The following CTNND2 variants were observed in gnomAD, a reference collection of about 807,000 sequenced individuals.
The protein encoded by CTNND2 is catenin delta 2.
A neutral mutation model predicts 144.4 loss-of-function variants in CTNND2; 22 were observed. The ratio of observed to expected loss-of-function variants is 0.15; its 90% CI spans 0.11 to 0.22. The LOEUF (loss-of-function observed/expected upper bound fraction) is 0.22. Ranked by LOEUF, CTNND2 falls within the 10% of genes least tolerant of loss-of-function variation. The pLI is 1.00. For missense variants in CTNND2, 1,353 were observed against 1,618.8 expected, an observed-to-expected ratio of 0.84 and a Z score of 2.82; for synonymous variants, 751 against 695.6, an observed-to-expected ratio of 1.08 and a Z score of -1.25.
At chr5:11,009,091 A>C (rs1162806166) in intron 18 of CTNND2, among the ~76,000 whole-genome samples, 1 of 152,198 alleles carries the variant, frequency 6.6e-6, no homozygotes, top group Non-Finnish European at 1.5e-5. Flanking sequence ...GGGGCACAAA[A>C]TTTGTATCTT....
chr5:11,635,284 A>G (rs2126482449), intron 2 of CTNND2, among the ~76,000 whole-genome samples: 1 of 152,276 alleles, frequency 6.6e-6, no homozygotes, highest in South Asian at 2.1e-4. Context: ...TAGAAAGAAG[A>G]AGGCATCACC....
intron 9 of CTNND2, among the ~76,000 whole-genome samples, chr5:11,276,957 G>C (rs1440197217): frequency 6.6e-6 from 1 of 152,294 alleles, no homozygotes; most frequent in East Asian, 1.9e-4. Context: ...CTCGATTTTA[G>C]ACCTCTGGCC....
At chr5:11,689,416 A>G (rs1784797924) in intron 2 of CTNND2, among the ~76,000 whole-genome samples, 1 of 152,226 alleles carries the variant, frequency 6.6e-6, no homozygotes, top group South Asian at 2.1e-4. Flanking sequence ...TTGCCCTCAA[A>G]TTAAATAATA....
At chr5:11,222,262 T>C (rs1306000545) in intron 10 of CTNND2, among the ~76,000 whole-genome samples, 1 of 152,156 alleles carries the variant, frequency 6.6e-6, no homozygotes, top group African/African-American at 2.4e-5. Context: ...AAGTGATATT[T>C]AGCAAACCCA....
intron 1 of CTNND2, among the ~76,000 whole-genome samples, chr5:11,800,686 A>G (rs1791632002): frequency 1.3e-5 from 2 of 152,202 alleles, no homozygotes; most frequent in Admixed American, 6.5e-5. Context: ...ATTGATAAAC[A>G]TAAAGTCAAT....
chr5:11,839,059 T>C (rs1458475), intron 1 of CTNND2, among the ~76,000 whole-genome samples: 8,658 of 152,178 alleles, frequency 0.057, 765 homozygotes, highest in African/African-American at 0.19. Context: ...GAGGAGGAAT[T>C]TGTCATCTGC....
intron 3 of CTNND2, among the ~76,000 whole-genome samples, chr5:11,430,404 A>G (rs1425492950): frequency 2.1e-5 from 3 of 144,642 alleles, no homozygotes; most frequent in East Asian, 2.0e-4. Flanking sequence ...ATAATGATGT[A>G]GGTGAGGATG....
intron 16 of CTNND2, among the ~76,000 whole-genome samples, chr5:11,047,035 G>C (rs965561351): frequency 3.3e-5 from 5 of 152,202 alleles, no homozygotes; most frequent in African/African-American, 1.2e-4. Context: ...TTAAAATTCT[G>C]TCATCAGTGA....
intron 1 of CTNND2, among the ~76,000 whole-genome samples, chr5:11,756,564 A>C (rs542252773): frequency 2.6e-5 from 4 of 151,688 alleles, no homozygotes; most frequent in African/African-American, 9.6e-5. Flanking sequence ...GTTTTCCCCT[A>C]TCCATTTACA....
intron 12 of CTNND2, among the ~76,000 whole-genome samples, chr5:11,152,009 C>G (rs1275133980): frequency 6.6e-6 from 1 of 152,106 alleles, no homozygotes; most frequent in Non-Finnish European, 1.5e-5. Flanking sequence ...AAATTCCTAA[C>G]AGATACAAAG....
At chr5:10,992,708 G>A (rs1167067393) in intron 18 of CTNND2, 31 bp from the exon 19 acceptor site, 2 of 1,602,800 alleles carry the variant, frequency 1.2e-6, no homozygotes, top group African/African-American at 2.7e-5. Flanking sequence ...CTGTTAGATG[G>A]GCAAGACAGA....
chr5:11,872,199 C>T (rs1735192932), intron 1 of CTNND2, among the ~76,000 whole-genome samples: 1 of 152,132 alleles, frequency 6.6e-6, no homozygotes, highest in Non-Finnish European at 1.5e-5. Context: ...CGTGTCCCTG[C>T]AAAGGACATG....
At chr5:11,876,228 G>A (rs1252425489) in intron 1 of CTNND2, among the ~76,000 whole-genome samples, 2 of 148,188 alleles carry the variant, frequency 1.3e-5, no homozygotes, top group East Asian at 1.9e-4. Flanking sequence ...GGGAGGAGGC[G>A]GGAGGCAGCA....
Position 11,564,968 on chromosome 5 carries a change from T to A in CTNND2, c.263A>T (p.Glu88Val). The A allele has an allele frequency of 1.2e-6, 2 of 1,613,934 alleles. No homozygotes were observed. The change falls in exon 3 of 22, where the codon GAG becomes GTG. Residue 88 changes from glutamate (E) to valine (V), a missense_variant. Around this residue, in one of 4 missense-constraint regions of CTNND2, gnomAD observed 708 missense variants for 706.4 expected, o/e 1.00. Coordinates refer to ENST00000304623, the MANE Select transcript of CTNND2 (RefSeq NM_001332.4). ...CCTCATGCTGCTCATGCTGCCAGTC[T>A]CGGATCCGAGCTTGCATCGCTCCAG... ...SQLERCKLGS[E>V]TGSMSSMSSA...
At chr5:11,741,970 T>C (rs1489289716) in intron 1 of CTNND2, among the ~76,000 whole-genome samples, 4 of 151,702 alleles carry the variant, frequency 2.6e-5, no homozygotes, top group African/African-American at 7.3e-5. Flanking sequence ...AAACATCATA[T>C]GTTCTCACTC....
At chr5:11,228,353 CAAAAAAAAAAAAA>C (rs564048343) in intron 10 of CTNND2, among the ~76,000 whole-genome samples, 8 of 26,734 alleles carry the variant, frequency 3.0e-4, no homozygotes, top group Admixed American at 5.4e-4. Flanking sequence ...CTCTCTCTCT[CAAAAAAAAAAAAA>C]AAAAAAAAAA....
chr5:11,572,417 T>C (rs1270145099), intron 2 of CTNND2, among the ~76,000 whole-genome samples: 6 of 152,168 alleles, frequency 3.9e-5, no homozygotes, highest in Non-Finnish European at 8.8e-5. Context: ...CCTGGGTCAA[T>C]AATACAGAGA....
chr5:11,484,593 T>C lies in CTNND2; in HGVS notation c.288-72524A>G, dbSNP rs1385564377. Among the ~76,000 whole-genome samples, 3 of 152,304 alleles carry C rather than the reference T, an allele frequency of 2.0e-5. No homozygotes were observed. The East Asian group carries it at 5.8e-4, about 29-fold the overall frequency. ...GGAAGCAGTCCATGCATCCCAAATATGCCCCCCATATATACCCAAGACAAC... is the reference window on the plus strand; with the variant it reads ...GGAAGCAGTCCATGCATCCCAAATACGCCCCCCATATATACCCAAGACAAC... On this transcript the variant is annotated intron_variant, in intron 3 of 21. Coordinates refer to ENST00000304623, the MANE Select transcript of CTNND2 (RefSeq NM_001332.4).
intron 2 of CTNND2, among the ~76,000 whole-genome samples, chr5:11,690,721 C>A (rs563439066): frequency 8.7e-6 from 1 of 114,496 alleles, no homozygotes. Flanking sequence ...CTGGCCTGGG[C>A]GACAGAGCGA....
Sources: allele counts gnomAD v4.1 joint callset (sites outside exome capture counted in the v4.1 genomes callset), GRCh38; gene constraint gnomAD v4.1.1; regional missense constraint gnomAD v4.1.1; transcripts MANE v1.5; gene names NCBI Gene and HGNC (gene_info 2026-07-23, HGNC 2026-07-21).